FAF1: variants seen among roughly 807,000 people sequenced by gnomAD.
The protein encoded by FAF1 is Fas associated factor 1, also known as FAS-associated factor 1.
Under a neutral mutation model 92.5 loss-of-function variants are expected in FAF1, and 25 were observed. The observed-to-expected ratio is 0.27, with a 90% CI of 0.20 to 0.38. The LOEUF (loss-of-function observed/expected upper bound fraction) is 0.38. Among genes scored for constraint, FAF1 ranks in the 10% least tolerant of loss-of-function variants. The probability of loss-of-function intolerance (pLI) is 1.00; values close to 1 mark genes in which losing one functional copy is unlikely to be tolerated. For synonymous variants in FAF1, 234 were observed against 273.2 expected (o/e 0.86, Z 1.42); for missense variants, 636 against 793.3 (o/e 0.80, Z 2.38).
At chr1:50,488,576 C>A (rs150891463) in intron 17 of FAF1, among the ~76,000 whole-genome samples, 248 of 152,278 alleles carry the variant, frequency 1.6e-3, no homozygotes, top group African/African-American at 5.5e-3. Context: ...AGGATAGTGA[C>A]TAATTTCTCC....
At chr1:50,610,454 CAA>C (rs1006940380) in intron 8 of FAF1, among the ~76,000 whole-genome samples, 2 of 152,040 alleles carry the variant, frequency 1.3e-5, no homozygotes, top group Non-Finnish European at 2.9e-5. Context: ...AAAATAAAAA[CAA>C]ATGCATGTTT....
Position 50,587,251 on chromosome 1 carries a change from C to T in FAF1, c.841-2440G>A, listed in dbSNP as rs370388751. The stretch of plus-strand genomic sequence containing the variant: ...GATTTTAATATTCTCCATGTGTCTC[C>T]ATTATTCGTTTTCCCTTCACAAAGT... On this transcript the variant is annotated intron_variant, in intron 9 of 18. Coordinates refer to ENST00000396153, the MANE Select transcript of FAF1 (RefSeq NM_007051.3). Among the ~76,000 whole-genome samples, 27 of 152,242 alleles carry T rather than the reference C, an allele frequency of 1.8e-4. No individual in the cohort carries two copies. In the South Asian group the frequency reaches 4.4e-3, roughly 25 times the overall value.
chr1:50,516,968 C>T (rs1443417729), intron 15 of FAF1, among the ~76,000 whole-genome samples: 1 of 152,164 alleles, frequency 6.6e-6, no homozygotes, highest in African/African-American at 2.4e-5. Flanking sequence ...AGTGAACAGA[C>T]TCCATAGGTT....
chr1:50,718,588 T>C (rs1658285379), intron 6 of FAF1, among the ~76,000 whole-genome samples: 1 of 152,232 alleles, frequency 6.6e-6, no homozygotes, highest in African/African-American at 2.4e-5. Context: ...CAATTTAAAA[T>C]TGGCTTATAA....
chr1:50,747,590 C>A (rs1226424614), intron 4 of FAF1, among the ~76,000 whole-genome samples: 3 of 152,134 alleles, frequency 2.0e-5, no homozygotes, highest in African/African-American at 7.2e-5. Flanking sequence ...AGACTTTGGA[C>A]TTCTGAGTTA....
chr1:50,646,489 A>T (rs921334410), intron 8 of FAF1, among the ~76,000 whole-genome samples: 44 of 152,206 alleles, frequency 2.9e-4, no homozygotes, highest in African/African-American at 1.1e-3. Flanking sequence ...AAATGAATGC[A>T]ATTTAAATAA....
intron 8 of FAF1, among the ~76,000 whole-genome samples, chr1:50,602,852 G>A (rs183151838): frequency 3.3e-5 from 5 of 152,098 alleles, no homozygotes; most frequent in Admixed American, 2.6e-4. Flanking sequence ...AAACCATTCC[G>A]TATTTTAAAA....
At chr1:50,633,249 C>T (rs1307178879) in intron 8 of FAF1, among the ~76,000 whole-genome samples, 1 of 152,190 alleles carries the variant, frequency 6.6e-6, no homozygotes, top group East Asian at 1.9e-4. Flanking sequence ...CCACTAATAG[C>T]TTAAAATGTC....
At chr1:50,613,612 C>T (rs1652774649) in intron 8 of FAF1, among the ~76,000 whole-genome samples, 1 of 151,958 alleles carries the variant, frequency 6.6e-6, no homozygotes, top group Non-Finnish European at 1.5e-5. Context: ...GTATATTAAA[C>T]ATTAAAAAAA....
At chr1:50,899,566 C>G (rs1352814902) in intron 1 of FAF1, among the ~76,000 whole-genome samples, 12 of 152,194 alleles carry the variant, frequency 7.9e-5, no homozygotes, top group Admixed American at 7.9e-4. Flanking sequence ...AATTCTCCTG[C>G]CTCAGCCTCC....
chr1:50,546,806 G>A (rs754999761), intron 13 of FAF1, among the ~76,000 whole-genome samples: 2 of 152,182 alleles, frequency 1.3e-5, no homozygotes, highest in Non-Finnish European at 2.9e-5. Context: ...TAATGTGAAT[G>A]TGTTAGCCAA....
intron 1 of FAF1, among the ~76,000 whole-genome samples, chr1:50,953,336 G>A (rs1645235854): frequency 6.6e-6 from 1 of 151,492 alleles, no homozygotes; most frequent in Non-Finnish European, 1.5e-5. Flanking sequence ...CTCCACTATT[G>A]TCCTATGACC....
At chr1:50,579,298 T>A (rs910434408) in intron 12 of FAF1, among the ~76,000 whole-genome samples, 6 of 152,110 alleles carry the variant, frequency 3.9e-5, no homozygotes, top group African/African-American at 1.4e-4. Flanking sequence ...GAGGTATACA[T>A]AGTATATCTT....
chr1:50,577,608 C>T (rs987634161), intron 12 of FAF1, among the ~76,000 whole-genome samples: 20 of 152,142 alleles, frequency 1.3e-4, no homozygotes, highest in African/African-American at 4.8e-4. Context: ...CTTCTCTTTG[C>T]TTCTATGGTA....
chr1:50,933,674 C>T (rs1303660564), intron 1 of FAF1, among the ~76,000 whole-genome samples: 17 of 152,300 alleles, frequency 1.1e-4, no homozygotes, highest in Admixed American at 9.2e-4. Flanking sequence ...TTTTCGGCAA[C>T]GCCCCACTGT....
At chr1:50,915,427 T>C (rs1006891553) in intron 1 of FAF1, among the ~76,000 whole-genome samples, 6 of 150,238 alleles carry the variant, frequency 4.0e-5, no homozygotes, top group African/African-American at 9.8e-5. Flanking sequence ...TTTCATTCAA[T>C]AGAAGATATC....
Position 50,523,212 on chromosome 1 carries a change from G to A in FAF1, c.1494+12157C>T, listed in dbSNP as rs528845170. ...CCACTTTTTGGCTATTATGAATAAT[G>A]ATGCAATGAACTTTCAGGCACAAAT... On this transcript the variant is annotated intron_variant, in intron 15 of 18. Transcript: ENST00000396153. Among the ~76,000 whole-genome samples the A allele has an allele frequency of 3.9e-5, 6 of 152,246 alleles. No homozygotes were observed. In the South Asian group the frequency reaches 1.2e-3, roughly 32 times the overall value.
intron 2 of FAF1, among the ~76,000 whole-genome samples, chr1:50,845,144 T>C (rs1309178588): frequency 6.6e-6 from 1 of 152,202 alleles, no homozygotes; most frequent in Non-Finnish European, 1.5e-5. Flanking sequence ...AAAATCTCTT[T>C]AGATATCTCT....
At chr1:50,788,781 T>C (rs760730165) in intron 3 of FAF1, among the ~76,000 whole-genome samples, 9 of 152,180 alleles carry the variant, frequency 5.9e-5, no homozygotes, top group African/African-American at 1.9e-4. Context: ...TCACTTCCTA[T>C]AAAATAGAGG....
Sources: gnomAD v4.1 joint callset for allele counts (sites outside exome capture counted in the v4.1 genomes callset) on GRCh38, gnomAD v4.1.1 for gene constraint, MANE v1.5 for transcripts, NCBI Gene and HGNC (gene_info 2026-07-23, HGNC 2026-07-21) for gene names.